Variants in PTPN13 observed in about 807,000 individuals in gnomAD.
PTPN13 encodes the protein tyrosine-protein phosphatase non-receptor type 13.
PTPN13 carries 191 observed loss-of-function variants against 284.0 expected under a neutral mutation model. That is an observed-to-expected ratio of 0.67 (90% CI 0.60 to 0.76). The LOEUF (loss-of-function observed/expected upper bound fraction) is 0.76, where lower values mean the gene tolerates loss of function less well. PTPN13 is among the 30% of genes least tolerant of loss of function. The pLI, the probability that PTPN13 is intolerant of heterozygous loss-of-function variation, is 0.00. For synonymous variants in PTPN13, 986 were observed against 1,022.3 expected (o/e 0.96, Z 0.68); for missense variants, 2,797 against 2,939.9 (o/e 0.95, Z 1.12).
chr4:86,725,464 T>C (rs767854015), intron 10 of PTPN13, among the ~76,000 whole-genome samples: 8 of 149,582 alleles, frequency 5.3e-5, no homozygotes, highest in Non-Finnish European at 7.5e-5. Context: ...TTTCTCCACA[T>C]CCTCTCCAGC....
intron 7 of PTPN13, among the ~76,000 whole-genome samples, chr4:86,711,169 C>G (rs767643631): frequency 2.7e-4 from 35 of 129,632 alleles, no homozygotes; most frequent in Non-Finnish European, 3.7e-4. Context: ...AGATTGCTGT[C>G]TGAATAAAGG....
rs146000543 is a variant in PTPN13, at chr4:86,746,775, C to A, written c.2650+1647C>A. ...AGCCTCCAGACTAGGGGATTACAGG[C>A]ACCCGCCACCACGCCCAGCTAATTT... On this transcript the variant is annotated intron_variant, in intron 17 of 47. Transcript: ENST00000411767. Among the ~76,000 whole-genome samples, 316 of 152,246 alleles carry A rather than the reference C, an allele frequency of 2.1e-3. 2 individuals carry two copies. The highest frequency in any genetic ancestry group is 7.2e-3 in the African/African-American group (298 of 41,534).
At chr4:86,641,750 A>G (rs546980629) in intron 2 of PTPN13, among the ~76,000 whole-genome samples, 2 of 152,274 alleles carry the variant, frequency 1.3e-5, no homozygotes, top group South Asian at 2.1e-4. Context: ...AAAACGTACA[A>G]TCTGTATGAC....
At position 86,775,214 on chromosome 4, in the gene PTPN13, T is replaced by C. The variant is rs752244106; in HGVS notation, c.5552T>C (p.Val1851Ala). Residue 1851 changes from valine (V) to alanine (A), a missense_variant, in exon 34 of 48, where the codon GTT (valine) becomes GCT (alanine). Val to Ala is a moderately conservative substitution (Grantham distance 64, BLOSUM62 0). Transcript: ENST00000411767. ...ACTAATATGACTCATACAGATGCAG[T>C]TAATCTGCTCCGGGCTGCATCCAAA... ...DVTNMTHTDA[V>A]NLLRAASKTV... 7.4e-6 allele frequency: 12 copies of C among 1,612,924 alleles called. No individual in the cohort carries two copies. The East Asian group carries it at 2.7e-4, about 36-fold the overall frequency.
intron 2 of PTPN13, among the ~76,000 whole-genome samples, chr4:86,664,988 TCTATCCAC>T (rs1726894914): frequency 6.6e-6 from 1 of 152,272 alleles, no homozygotes; most frequent in East Asian, 1.9e-4. Flanking sequence ...CCTGCTTCCC[TCTATCCAC>T]GTTGTCCCAT....
At chr4:86,650,854 A>G (rs75981928) in intron 2 of PTPN13, among the ~76,000 whole-genome samples, 1 of 152,198 alleles carries the variant, frequency 6.6e-6, no homozygotes, top group Non-Finnish European at 1.5e-5. Context: ...ACAAGATCAT[A>G]TCATTTGCTA....
intron 45 of PTPN13, among the ~76,000 whole-genome samples, chr4:86,809,218 T>C (rs1744962196): frequency 2.0e-5 from 3 of 152,198 alleles, no homozygotes; most frequent in Non-Finnish European, 4.4e-5. Flanking sequence ...AAGGTTGTTA[T>C]CAAAATGCAA....
intron 35 of PTPN13, among the ~76,000 whole-genome samples, chr4:86,776,272 T>G (rs1272524390): frequency 6.6e-6 from 1 of 152,200 alleles, no homozygotes; most frequent in Non-Finnish European, 1.5e-5. Context: ...ATATTGGACT[T>G]TAGAAGTCCC....
At chr4:86,631,518 T>C (rs1722467994) in intron 1 of PTPN13, among the ~76,000 whole-genome samples, 1 of 152,166 alleles carries the variant, frequency 6.6e-6, no homozygotes, top group South Asian at 2.1e-4. Flanking sequence ...AAAAAATCTT[T>C]AAGTTCTTGC....
chr4:86,642,871 A>G (rs1163408511), intron 2 of PTPN13, among the ~76,000 whole-genome samples: 5 of 152,208 alleles, frequency 3.3e-5, no homozygotes, highest in South Asian at 4.1e-4. Flanking sequence ...GTGTTCCTAC[A>G]TAATAAAAAA....
chr4:86,746,548 A>G (rs1468737079), intron 17 of PTPN13, among the ~76,000 whole-genome samples: 1 of 152,220 alleles, frequency 6.6e-6, no homozygotes, highest in Admixed American at 6.5e-5. Context: ...CCAGGAACCT[A>G]CGTAAAACTC....
intron 2 of PTPN13, among the ~76,000 whole-genome samples, chr4:86,670,559 T>G (rs1727618048): frequency 6.6e-6 from 1 of 152,106 alleles, no homozygotes; most frequent in Non-Finnish European, 1.5e-5. Context: ...TACCAGCAGG[T>G]TCTCACCACC....
chr4:86,763,018 C>G lies in PTPN13; in HGVS notation c.3845C>G (p.Pro1282Arg). Residue 1282 changes from proline to arginine, a missense_variant, in exon 24 of 48, where the codon CCT (proline) becomes CGT (arginine). By Grantham distance (103) the Pro-to-Arg change is moderately radical (BLOSUM62 -2). Transcript: ENST00000411767. ...TGGCAGGAATCACAGCATGGCAGCC[C>G]TTCCCCATCTGTAATATCCAAAGCC... ...QTWQESQHGS[P>R]SPSVISKATE... 6.2e-7 allele frequency: 1 copy of G among 1,613,628 alleles called. No homozygotes were observed. The highest frequency in any genetic ancestry group is 1.1e-5 in the South Asian group (1 of 91,042).
chr4:86,627,554 A>T (rs1721981576), intron 1 of PTPN13, among the ~76,000 whole-genome samples: 1 of 151,788 alleles, frequency 6.6e-6, no homozygotes, highest in Admixed American at 6.6e-5. Flanking sequence ...TGTTTGACAT[A>T]TAATAAACTG....
In PTPN13 at chr4:86,807,869, T is replaced by TGAG; in HGVS notation, c.7057_7059dup (p.Arg2353dup). ...ATGCAGCAGCTGAAGGGCTTTGTGG[T>TGAG]GAGGGCAATGACCCTTGAAGATATT... On this transcript the variant is annotated inframe_insertion, in exon 45 of 48. Transcript: ENST00000411767. 6.2e-7 allele frequency: 1 copy of TGAG among 1,613,636 alleles called. No individual in the cohort carries two copies.
intron 1 of PTPN13, among the ~76,000 whole-genome samples, chr4:86,630,570 A>G (rs1009162929): frequency 1.3e-5 from 2 of 152,152 alleles, no homozygotes; most frequent in African/African-American, 4.8e-5. Flanking sequence ...GGATGAAAAG[A>G]TGCTTACAAT....
intron 1 of PTPN13, among the ~76,000 whole-genome samples, chr4:86,632,785 T>TA (rs1229106490): frequency 6.6e-6 from 1 of 151,936 alleles, no homozygotes; most frequent in Admixed American, 6.6e-5. Flanking sequence ...ATACTTCACA[T>TA]ACAATAAAAC....
chr4:86,800,480 C>T (rs868043772), intron 42 of PTPN13, among the ~76,000 whole-genome samples: 1 of 151,962 alleles, frequency 6.6e-6, no homozygotes, highest in African/African-American at 2.4e-5. Context: ...GGCAAAACCT[C>T]GTCTCTTCTA....
chr4:86,746,713 A>G (rs1236322439), intron 17 of PTPN13, among the ~76,000 whole-genome samples: 1 of 152,088 alleles, frequency 6.6e-6, no homozygotes, highest in Non-Finnish European at 1.5e-5. Flanking sequence ...GCTCACTGCA[A>G]CATTCGCCTT....
Sources: gnomAD v4.1 joint callset for allele counts (sites outside exome capture counted in the v4.1 genomes callset) on GRCh38, gnomAD v4.1.1 for gene constraint, MANE v1.5 for transcripts, NCBI Gene and HGNC (gene_info 2026-07-23, HGNC 2026-07-21) for gene names.